PRKN: variants seen among roughly 807,000 people sequenced by gnomAD.
PRKN encodes the protein E3 ubiquitin-protein ligase parkin.
In PRKN, 56 loss-of-function variants were observed where a neutral mutation model predicts 59.5. The ratio of observed to expected loss-of-function variants is 0.94; its 90% confidence interval spans 0.76 to 1.18. PRKN has a LOEUF of 1.18. Ranked by LOEUF, PRKN falls within the 50% of genes most tolerant of loss-of-function variation. PRKN has a pLI of 0.00. For missense variants in PRKN, 657 were observed against 596.4 expected (o/e 1.10, Z -1.06); for synonymous variants, 250 against 222.1 (o/e 1.13, Z -1.12).
chr6:161,952,989 A>T (rs968314007), intron 6 of PRKN, among the ~76,000 whole-genome samples: 2 of 152,234 alleles, frequency 1.3e-5, no homozygotes, highest in African/African-American at 4.8e-5. Flanking sequence ...GTGAGCAGAG[A>T]AACCAAAATC....
intron 9 of PRKN, among the ~76,000 whole-genome samples, chr6:161,516,467 TAAAAAAAAAAAA>T (rs376373455): frequency 2.6e-4 from 6 of 23,146 alleles, no homozygotes; most frequent in Middle Eastern, 0.031. Flanking sequence ...AGGCTCCTTC[TAAAAAAAAAAAA>T]AAAAAAAAAA....
chr6:162,261,981 A>G (rs937777592), intron 3 of PRKN, among the ~76,000 whole-genome samples: 4 of 152,170 alleles, frequency 2.6e-5, no homozygotes, highest in African/African-American at 9.6e-5. Context: ...TACCCTGTAA[A>G]GTCATTGTGA....
At chr6:162,333,532 T>C (rs143818447) in intron 2 of PRKN, among the ~76,000 whole-genome samples, 219 of 152,226 alleles carry the variant, frequency 1.4e-3, no homozygotes, top group African/African-American at 4.7e-3. Flanking sequence ...ATAAATATCG[T>C]CTAGTTTTGG....
rs562979215 is a variant in PRKN at position 162,009,859 on chromosome 6, C to A, written c.619-36442G>T. ...GCTGAGGCATGATAATCATTTGAAC[C>A]TCAGAGGTGGAGGTTGCAGTGAGCC... On this transcript the variant is annotated intron_variant, in intron 5 of 11. Coordinates refer to ENST00000366898, the MANE Select transcript of PRKN (RefSeq NM_004562.3). 1.1e-4 allele frequency among the ~76,000 whole-genome samples: 17 copies of A among 151,762 alleles called. No homozygotes were observed. In the East Asian group the frequency reaches 3.1e-3, roughly 28 times the overall value.
intron 6 of PRKN, among the ~76,000 whole-genome samples, chr6:161,818,417 C>T (rs1259332473): frequency 2.0e-5 from 3 of 151,912 alleles, no homozygotes; most frequent in Non-Finnish European, 4.4e-5. Flanking sequence ...TCACTGCTGC[C>T]TCAACCTCCC....
In PRKN at chr6:161,750,878, A is replaced by G. The variant is rs902920913; in HGVS notation, c.871+34894T>C. ...AGCAAGCAGATAAGGCTCTAGGTAC[A>G]ACAAATATATAATTGTATTAGTCAT... On this transcript the variant is annotated intron_variant, in intron 7 of 11. Transcript: ENST00000366898. 6.6e-5 allele frequency among the ~76,000 whole-genome samples: 10 copies of G among 152,226 alleles called. 1 individual carries two copies. Among genetic ancestry groups the G allele is most frequent in the African/African-American group, 2.4e-4 (10 of 41,544 alleles).
At chr6:162,307,813 T>C (rs191307871) in intron 2 of PRKN, among the ~76,000 whole-genome samples, 11 of 152,292 alleles carry the variant, frequency 7.2e-5, no homozygotes, top group Non-Finnish European at 1.3e-4. Context: ...AAGAAGATGA[T>C]TATGAAAATG....
intron 5 of PRKN, among the ~76,000 whole-genome samples, chr6:162,025,024 T>C (rs1316022487): frequency 6.7e-6 from 1 of 149,702 alleles, no homozygotes; most frequent in Non-Finnish European, 1.5e-5. Flanking sequence ...ATTTTTTTTT[T>C]TTTTTTTTTG....
At chr6:162,384,664 A>AC (rs553086414) in intron 2 of PRKN, among the ~76,000 whole-genome samples, 7,928 of 121,726 alleles carry the variant, frequency 0.065, 297 homozygotes, top group East Asian at 0.32. Context: ...AAAAAAAAAC[A>AC]AAAAAAAAAA....
chr6:161,403,555 G>A (rs1440382289), intron 9 of PRKN, among the ~76,000 whole-genome samples: 1 of 152,186 alleles, frequency 6.6e-6, no homozygotes, highest in Non-Finnish European at 1.5e-5. Context: ...CTCTGGCAGT[G>A]CAGGGCCTCA....
intron 1 of PRKN, among the ~76,000 whole-genome samples, chr6:162,702,349 A>ACTTC (rs962216876): frequency 5.3e-5 from 8 of 152,204 alleles, no homozygotes; most frequent in Non-Finnish European, 8.8e-5. Context: ...TTCATATTCT[A>ACTTC]CTTCCTTCAT....
chr6:161,903,961 G>A (rs59277805), intron 6 of PRKN, among the ~76,000 whole-genome samples: 18,826 of 151,796 alleles, frequency 0.12, 1,571 homozygotes, highest in African/African-American at 0.23. Flanking sequence ...GGGGTGGGCA[G>A]GAGAAACAGG....
chr6:162,210,462 A>C (rs1785158069), intron 3 of PRKN, among the ~76,000 whole-genome samples: 1 of 152,074 alleles, frequency 6.6e-6, no homozygotes, highest in South Asian at 2.1e-4. Context: ...TACCCCTCCT[A>C]CTTCCTCAGG....
chr6:162,246,246 A>T (rs991983251), intron 3 of PRKN, among the ~76,000 whole-genome samples: 2 of 152,066 alleles, frequency 1.3e-5, no homozygotes, highest in African/African-American at 4.8e-5. Flanking sequence ...CAATCTGACT[A>T]CTGTCCTTAT....
intron 2 of PRKN, among the ~76,000 whole-genome samples, chr6:162,291,644 C>A (rs980529100): frequency 6.6e-6 from 1 of 152,086 alleles, no homozygotes; most frequent in Non-Finnish European, 1.5e-5. Context: ...TTTTTGAGAG[C>A]TAAGCTGACA....
chr6:162,556,341 T>TGGGGTG (rs201876234), intron 1 of PRKN, among the ~76,000 whole-genome samples: 2 of 93,058 alleles, frequency 2.1e-5, no homozygotes, highest in Non-Finnish European at 2.2e-5. Flanking sequence ...ACTACTCAGC[T>TGGGGTG]GGTGTGTGTG....
chr6:161,532,208 T>C (rs895507737), intron 9 of PRKN, among the ~76,000 whole-genome samples: 3 of 151,460 alleles, frequency 2.0e-5, no homozygotes, highest in African/African-American at 7.3e-5. Flanking sequence ...TCTATGTGTC[T>C]ATAAGTACAA....
intron 2 of PRKN, among the ~76,000 whole-genome samples, chr6:162,296,219 A>AC (rs1314895280): frequency 2.0e-5 from 1 of 49,268 alleles, no homozygotes; most frequent in Non-Finnish European, 4.3e-5. Flanking sequence ...CCATCCCCCC[A>AC]CCCCCTTCTA....
Position 161,471,096 on chromosome 6 carries a change from T to C in PRKN, c.1083+77758A>G, listed in dbSNP as rs1371594880. Reference sequence around the variant, plus strand: ...TTTTTAAACATTGAGATGAGGGCCATGTGAACCCACACTTGTCTTCTTATC... The same window carrying C: ...TTTTTAAACATTGAGATGAGGGCCACGTGAACCCACACTTGTCTTCTTATC... On this transcript the variant is annotated intron_variant, in intron 9 of 11. Transcript: ENST00000366898. This position sits in a 1 kb window ranked among gnomAD's most constrained non-coding sequence, Gnocchi z 4.5. 1.3e-5 allele frequency among the ~76,000 whole-genome samples: 2 copies of C among 152,194 alleles called. No homozygotes were observed. Among genetic ancestry groups the C allele is most frequent in the Non-Finnish European group, 2.9e-5 (2 of 68,032 alleles).
Sources: gnomAD v4.1 joint callset for allele counts (sites outside exome capture counted in the v4.1 genomes callset) on GRCh38, gnomAD v4.1.1 for gene constraint, Gnocchi (gnomAD v3.1) non-coding constraint, MANE v1.5 for transcripts, NCBI Gene and HGNC (gene_info 2026-07-23, HGNC 2026-07-21) for gene names.